Variants in SLC44A5 observed in about 807,000 individuals in gnomAD.
SLC44A5 encodes choline transporter-like protein 5.
Under a neutral mutation model 101.8 loss-of-function variants are expected in SLC44A5, and 57 were observed. The ratio of observed to expected loss-of-function variants is 0.56; its 90% CI spans 0.45 to 0.70. SLC44A5 has a LOEUF of 0.70. Among genes scored for constraint, SLC44A5 ranks in the 30% least tolerant of loss-of-function variants. The pLI, the probability that SLC44A5 is intolerant of heterozygous loss-of-function variation, is 0.00. For missense variants in SLC44A5, 737 were observed against 853.1 expected, an observed-to-expected ratio of 0.86 and a Z score of 1.70; for synonymous variants, 281 against 290.9, an observed-to-expected ratio of 0.97 and a Z score of 0.35.
chr1:75,243,046 G>A (rs1648782048), intron 7 of SLC44A5, 35 bp from the exon 8 acceptor site: 1 of 1,575,430 alleles, frequency 6.3e-7, no homozygotes, highest in Non-Finnish European at 8.6e-7. Flanking sequence ...ACTGAACTGA[G>A]TTGAACAAAC....
intron 6 of SLC44A5, among the ~76,000 whole-genome samples, chr1:75,271,652 C>T (rs796862595): frequency 6.6e-5 from 10 of 152,084 alleles, no homozygotes; most frequent in African/African-American, 2.2e-4. Flanking sequence ...TATTTCATTC[C>T]TTTTTATGGC....
intron 1 of SLC44A5, among the ~76,000 whole-genome samples, chr1:75,581,149 A>G (rs1394759373): frequency 6.6e-6 from 1 of 152,236 alleles, no homozygotes; most frequent in Non-Finnish European, 1.5e-5. Context: ...GCCAAATTCA[A>G]CATATAATGA....
At chr1:75,699,609 A>C in the SLC44A5 span, among the ~76,000 whole-genome samples, 1 of 152,078 alleles carries the variant, frequency 6.6e-6, no homozygotes, top group East Asian at 1.9e-4. Flanking sequence ...GAAAAAAAAA[A>C]AAAACACAGC....
chr1:75,545,509 C>A (rs1039023299), intron 1 of SLC44A5, among the ~76,000 whole-genome samples: 1 of 152,136 alleles, frequency 6.6e-6, no homozygotes, highest in African/African-American at 2.4e-5. Context: ...AGGAATACTG[C>A]ATAAACATTG....
chr1:75,386,675 C>T (rs1045405330), intron 3 of SLC44A5, among the ~76,000 whole-genome samples: 16 of 152,192 alleles, frequency 1.1e-4, no homozygotes, highest in Middle Eastern at 3.4e-3. Flanking sequence ...TATCAAGCTA[C>T]CAATGACTTT....
intron 11 of SLC44A5, among the ~76,000 whole-genome samples, chr1:75,236,310 C>T (rs1218134248): frequency 6.6e-6 from 1 of 151,924 alleles, no homozygotes; most frequent in South Asian, 2.1e-4. Flanking sequence ...AGCTTTTAAG[C>T]ACTGGAGGGT....
At chr1:75,572,569 T>C (rs1673128231) in intron 1 of SLC44A5, among the ~76,000 whole-genome samples, 1 of 152,190 alleles carries the variant, frequency 6.6e-6, no homozygotes, top group African/African-American at 2.4e-5. Context: ...GGAATATTGT[T>C]TATTGGCTTA....
chr1:75,612,922 A>G (rs773620621), upstream of SLC44A5, among the ~76,000 whole-genome samples: 1 of 152,172 alleles, frequency 6.6e-6, no homozygotes, highest in Non-Finnish European at 1.5e-5. Context: ...AACATTATCA[A>G]TATTGGATTG....
At chr1:75,538,635 G>T (rs897036194) in intron 2 of SLC44A5, among the ~76,000 whole-genome samples, 1 of 152,164 alleles carries the variant, frequency 6.6e-6, no homozygotes, top group Non-Finnish European at 1.5e-5. Flanking sequence ...AAGAAGGAAC[G>T]AATTGAGGCA....
the SLC44A5 span, among the ~76,000 whole-genome samples, chr1:75,695,352 T>G: frequency 3.3e-5 from 5 of 152,194 alleles, no homozygotes; most frequent in African/African-American, 9.6e-5. Flanking sequence ...ATATATCAGA[T>G]AACGCCAAGT....
chr1:75,584,235 G>T (rs1278775272), intron 1 of SLC44A5, among the ~76,000 whole-genome samples: 1 of 152,200 alleles, frequency 6.6e-6, no homozygotes, highest in South Asian at 2.1e-4. Context: ...TGGAAATGGT[G>T]TAAGGCAAAG....
chr1:75,211,043 A>G (rs1169319662), intron 23 of SLC44A5, among the ~76,000 whole-genome samples: 1 of 152,146 alleles, frequency 6.6e-6, no homozygotes, highest in Non-Finnish European at 1.5e-5. Flanking sequence ...AATACTAACG[A>G]GCTTAGCAAA....
At chr1:75,527,339 T>G (rs1570530794) in intron 2 of SLC44A5, among the ~76,000 whole-genome samples, 4 of 136,848 alleles carry the variant, frequency 2.9e-5, no homozygotes, top group Admixed American at 7.4e-5. Context: ...GGAGGAGAGA[T>G]TGCTTAATAG....
At chr1:75,603,267 G>C (rs1192223533) in intron 1 of SLC44A5, among the ~76,000 whole-genome samples, 1 of 151,908 alleles carries the variant, frequency 6.6e-6, no homozygotes, top group Middle Eastern at 3.2e-3. Flanking sequence ...ATCCATTTAG[G>C]ATAATGGCTT....
the SLC44A5 span, among the ~76,000 whole-genome samples, chr1:75,699,677 T>C: frequency 7.3e-4 from 108 of 148,696 alleles, no homozygotes; most frequent in Middle Eastern, 0.011. Context: ...TAAATGTAAA[T>C]GAGCTAAATG....
At chr1:75,451,999 T>C (rs1665934370) in intron 2 of SLC44A5, among the ~76,000 whole-genome samples, 1 of 152,108 alleles carries the variant, frequency 6.6e-6, no homozygotes, top group Non-Finnish European at 1.5e-5. Context: ...TTATAAATAT[T>C]TCCCTACTCT....
At chr1:75,408,105 T>C (rs1235707876) in intron 2 of SLC44A5, among the ~76,000 whole-genome samples, 1 of 152,078 alleles carries the variant, frequency 6.6e-6, no homozygotes, top group Non-Finnish European at 1.5e-5. Context: ...TACAAACATA[T>C]GAAAAAAAGC....
chr1:75,288,826 C>T (rs1057447694), intron 5 of SLC44A5, among the ~76,000 whole-genome samples: 1 of 152,188 alleles, frequency 6.6e-6, no homozygotes, highest in East Asian at 1.9e-4. Context: ...AAGGACAGTA[C>T]TGCATCTTCA....
intron 3 of SLC44A5, among the ~76,000 whole-genome samples, chr1:75,387,845 A>T (rs1661484604): frequency 7.7e-6 from 1 of 129,160 alleles, no homozygotes; most frequent in Non-Finnish European, 1.6e-5. Context: ...GATTAAGAAA[A>T]TGTGGCACAT....
Sources: gnomAD v4.1 joint callset for allele counts (sites outside exome capture counted in the v4.1 genomes callset) on GRCh38, gnomAD v4.1.1 for gene constraint, MANE v1.5 for transcripts, NCBI Gene and HGNC (gene_info 2026-07-23, HGNC 2026-07-21) for gene names.